Variants in RLN2 observed in about 807,000 individuals in gnomAD.
The protein encoded by RLN2 is relaxin 2, also known as prorelaxin H2.
In RLN2, 10 loss-of-function variants were observed where a neutral mutation model predicts 7.3. The ratio of observed to expected loss-of-function variants is 1.36; its 90% CI spans 0.84 to 2.31. RLN2 has a LOEUF of 2.31. Ranked by LOEUF, RLN2 falls within the 30% of genes most tolerant of loss-of-function variation. RLN2 has a pLI of 0.00. For missense variants in RLN2, 298 were observed against 217.6 expected, an observed-to-expected ratio of 1.37 and a Z score of -2.32; for synonymous variants, 103 against 82.3, an observed-to-expected ratio of 1.25 and a Z score of -1.36.
At chr9:5,313,588 T>C in the RLN2 span, among the ~76,000 whole-genome samples, 1 of 152,046 alleles carries the variant, frequency 6.6e-6, no homozygotes, top group Non-Finnish European at 1.5e-5. Flanking sequence ...TATATATTTA[T>C]TGGGTACATT....
At chr9:5,302,777 CA>C (rs1231441724) in intron 1 of RLN2, among the ~76,000 whole-genome samples, 1 of 152,156 alleles carries the variant, frequency 6.6e-6, no homozygotes, top group African/African-American at 2.4e-5. Context: ...AAAAATACTA[CA>C]CAGGAATTTC....
At chr9:5,319,791 T>G in the RLN2 span, among the ~76,000 whole-genome samples, 19 of 152,032 alleles carry the variant, frequency 1.2e-4, 1 homozygote, top group African/African-American at 4.6e-4. Context: ...TAAATAACTT[T>G]GCAGAATTAT....
At chr9:5,336,930 T>C in the RLN2 span, among the ~76,000 whole-genome samples, 8 of 152,040 alleles carry the variant, frequency 5.3e-5, no homozygotes, top group African/African-American at 1.7e-4. Context: ...GGCAAAAGAA[T>C]CAGTTGTTCT....
At position 5,300,163 on chromosome 9, in the gene RLN2, T is replaced by C. The variant is rs776596951; in HGVS notation, c.493A>G (p.Ser165Gly). 3 of 1,613,428 alleles carry C rather than the reference T, an allele frequency of 1.9e-6. No homozygotes were observed. The highest frequency in any genetic ancestry group is 1.1e-5 in the South Asian group (1 of 90,826). ...THSRKKRQLY[S>G]ALANKCCHVG... ...TGGCAACATTTATTAGCCAATGCAC[T>C]GTAGAGTTGTCTCTTTTTTCGAGAA... The change falls in exon 2 of 2, where the codon AGT becomes GGT. Residue 165 changes from serine (S) to glycine (G), a missense_variant. Ser to Gly is a moderately conservative substitution (Grantham distance 56). Coordinates refer to ENST00000381627, the MANE Select transcript of RLN2 (RefSeq NM_134441.3).
At chr9:5,310,035 G>A in the RLN2 span, among the ~76,000 whole-genome samples, 1 of 151,980 alleles carries the variant, frequency 6.6e-6, no homozygotes, top group Non-Finnish European at 1.5e-5. Flanking sequence ...TTTGAGGAGG[G>A]GGAGTGGAGT....
chr9:5,300,137 A>G lies in RLN2; in HGVS notation c.519T>C (p.His173=). The G allele has an allele frequency of 6.2e-7, 1 of 1,604,428 alleles. No homozygotes were observed. Among genetic ancestry groups the G allele is most frequent in the Non-Finnish European group, 8.5e-7 (1 of 1,177,328 alleles). The change falls in exon 2 of 2, where the codon CAT becomes CAC. Residue 173 remains histidine, a synonymous_variant. Coordinates refer to ENST00000381627, the MANE Select transcript of RLN2 (RefSeq NM_134441.3). ...CAAGAGATCTTTTGGTACAACCAAC[A>G]TGGCAACATTTATTAGCCAATGCAC... is the stretch of plus-strand genomic sequence containing the variant. The part of the protein sequence containing the change: ...LYSALANKCC[H]VGCTKRSLAR...
At chr9:5,322,065 G>T in the RLN2 span, among the ~76,000 whole-genome samples, 3 of 152,068 alleles carry the variant, frequency 2.0e-5, no homozygotes, top group Admixed American at 6.6e-5. Flanking sequence ...AAATCCGAAT[G>T]GATGGGTACA....
the RLN2 span, among the ~76,000 whole-genome samples, chr9:5,314,788 C>A: frequency 6.6e-6 from 1 of 152,034 alleles, no homozygotes; most frequent in Non-Finnish European, 1.5e-5. Flanking sequence ...CCTGGCTTCA[C>A]AGAATCTGGG....
chr9:5,333,369 C>T, the RLN2 span, among the ~76,000 whole-genome samples: 1 of 152,010 alleles, frequency 6.6e-6, no homozygotes, highest in Non-Finnish European at 1.5e-5. Context: ...GAAATACAAA[C>T]AACCATCAGA....
At chr9:5,311,876 G>A in the RLN2 span, among the ~76,000 whole-genome samples, 1 of 149,122 alleles carries the variant, frequency 6.7e-6, no homozygotes, top group Non-Finnish European at 1.5e-5. Flanking sequence ...TGCACATTGT[G>A]CAGGTTAGTT....
the RLN2 span, among the ~76,000 whole-genome samples, chr9:5,331,179 G>C: frequency 2.0e-5 from 3 of 151,946 alleles, no homozygotes; most frequent in Non-Finnish European, 2.9e-5. Context: ...ATAAAAAGGA[G>C]CTGGTACCAT....
chr9:5,322,570 T>C, the RLN2 span, among the ~76,000 whole-genome samples: 2 of 151,942 alleles, frequency 1.3e-5, no homozygotes, highest in African/African-American at 4.8e-5. Flanking sequence ...GAGAAGGAAG[T>C]CCACAGAGAA....
upstream of RLN2, among the ~76,000 whole-genome samples, chr9:5,307,467 A>T (rs1816276581): frequency 6.6e-6 from 1 of 151,894 alleles, no homozygotes; most frequent in African/African-American, 2.4e-5. Flanking sequence ...TTGAGTGTTT[A>T]TACTAGATGG....
At chr9:5,330,764 G>GAA in the RLN2 span, among the ~76,000 whole-genome samples, 1 of 76,930 alleles carries the variant, frequency 1.3e-5, no homozygotes, top group Admixed American at 1.5e-4. Context: ...GAGATAGAGA[G>GAA]ACAAAAAAAA....
the RLN2 span, among the ~76,000 whole-genome samples, chr9:5,328,324 C>G: frequency 7.2e-5 from 11 of 151,754 alleles, no homozygotes; most frequent in Admixed American, 6.6e-4. Flanking sequence ...GATTGAAGAT[C>G]AAATTAATGA....
chr9:5,320,666 C>A, the RLN2 span, among the ~76,000 whole-genome samples: 42,856 of 151,922 alleles, frequency 0.28, 6,713 homozygotes, highest in East Asian at 0.44. Flanking sequence ...CCACCATGCC[C>A]AGCCACACAA....
the RLN2 span, among the ~76,000 whole-genome samples, chr9:5,327,752 G>C: frequency 1.3e-5 from 2 of 151,986 alleles, no homozygotes; most frequent in East Asian, 3.9e-4. Flanking sequence ...GCCTCCACTG[G>C]TGATACCCAG....
the RLN2 span, among the ~76,000 whole-genome samples, chr9:5,336,667 G>T: frequency 5.3e-5 from 8 of 152,112 alleles, no homozygotes; most frequent in African/African-American, 1.9e-4. Flanking sequence ...ATTTCACAAA[G>T]AAATAAACAC....
At chr9:5,321,589 G>A in the RLN2 span, among the ~76,000 whole-genome samples, 1 of 151,756 alleles carries the variant, frequency 6.6e-6, no homozygotes. Context: ...AAGGAAATAA[G>A]GCAGGAAGGA....
Sources: allele counts gnomAD v4.1 joint callset (sites outside exome capture counted in the v4.1 genomes callset), GRCh38; gene constraint gnomAD v4.1.1; transcripts MANE v1.5; gene names NCBI Gene and HGNC (gene_info 2026-07-23, HGNC 2026-07-21).